LARP1: variants seen among roughly 807,000 people sequenced by gnomAD.
LARP1 encodes La ribonucleoprotein 1, translational regulator, also known as la-related protein 1.
In LARP1, 36 loss-of-function variants were observed where a neutral mutation model predicts 122.7. The observed-to-expected ratio is 0.29, with a 90% CI of 0.22 to 0.39. The LOEUF (loss-of-function observed/expected upper bound fraction) is 0.39. Ranked by LOEUF, LARP1 falls within the 10% of genes least tolerant of loss-of-function variation. The pLI is 1.00. For synonymous variants in LARP1, 539 were observed against 528.7 expected (o/e 1.02, Z -0.27); for missense variants, 1,040 against 1,403.6 (o/e 0.74, Z 4.14).
intron 1 of LARP1, among the ~76,000 whole-genome samples, chr5:154,769,022 A>C (rs1755185312): frequency 6.6e-6 from 1 of 152,094 alleles, no homozygotes; most frequent in Non-Finnish European, 1.5e-5. Flanking sequence ...TATTTTTAGT[A>C]GAGACTGGGT....
intron 7 of LARP1, 75 bp downstream of exon 7, chr5:154,794,337 C>CA: frequency 6.8e-7 from 1 of 1,479,042 alleles, no homozygotes; most frequent in Non-Finnish European, 9.3e-7. Context: ...CATAGCTGGG[C>CA]AGGCCCTTCT....
In LARP1 at chr5:154,813,100, T is replaced by TAGTC. The variant is rs34588766; in HGVS notation, c.3082-785_3082-784insTCAG. Among the ~76,000 whole-genome samples, 10 of 151,996 alleles carry TAGTC rather than the reference T, an allele frequency of 6.6e-5. No individual in the cohort carries two copies. In the South Asian group the frequency reaches 2.1e-3, roughly 32 times the overall value. Reference sequence around the variant, plus strand: ...ATGTGGTGACGCAGACAGGACTTATTAGGTTAACTGAGGTTCGTGGCCATC... The same window carrying TAGTC: ...ATGTGGTGACGCAGACAGGACTTATTAGTCAGGTTAACTGAGGTTCGTGGCCATC... On this transcript the variant is annotated intron_variant, in intron 18 of 18. Coordinates refer to ENST00000518297, the MANE Select transcript of LARP1 (RefSeq NM_033551.3).
At chr5:154,715,572 T>C (rs1755454449) in intron 1 of LARP1, among the ~76,000 whole-genome samples, 1 of 152,176 alleles carries the variant, frequency 6.6e-6, no homozygotes, top group Non-Finnish European at 1.5e-5. Context: ...CACTGAAACG[T>C]TGCTGCTGAA....
At chr5:154,756,250 T>C in intron 1 of LARP1, 57 bp downstream of exon 1, 2 of 1,141,028 alleles carry the variant, frequency 1.8e-6, no homozygotes, top group Non-Finnish European at 1.1e-6. Flanking sequence ...GACATGGGAG[T>C]CCCCTCCCCC....
chr5:154,707,261 G>A (rs1754995941), intron 1 of LARP1, among the ~76,000 whole-genome samples: 1 of 152,114 alleles, frequency 6.6e-6, no homozygotes, highest in Non-Finnish European at 1.5e-5. Context: ...ATGTTTTAAT[G>A]TAAAATAAAT....
chr5:154,711,290 C>T (rs1755207976), upstream of LARP1, among the ~76,000 whole-genome samples: 3 of 152,040 alleles, frequency 2.0e-5, no homozygotes, highest in South Asian at 4.2e-4. Flanking sequence ...TACAGGCATG[C>T]GCCACCACAC....
upstream of LARP1, among the ~76,000 whole-genome samples, chr5:154,711,251 C>T (rs1490761123): frequency 4.6e-5 from 7 of 151,856 alleles, no homozygotes; most frequent in African/African-American, 1.2e-4. Context: ...AAGCGATTCT[C>T]CTGCCTCAGC....
rs770862739 is a variant in LARP1, at chr5:154,805,906, A to G, written c.2572A>G (p.Thr858Ala). 8 of 1,614,006 alleles carry G rather than the reference A, an allele frequency of 5.0e-6. No homozygotes were observed. The South Asian group carries it at 7.7e-5, about 16-fold the overall frequency. ...CTCCAGCCCCTCAGAAGGGACGCCT[A>G]CAGTTGGCAGCTATGGCTGTACCCC... Reference protein sequence around the residue: ...ISSSPSEGTPTVGSYGCTPQS... With the variant: ...ISSSPSEGTPAVGSYGCTPQS... Residue 858 changes from threonine to alanine, a missense_variant, in exon 15 of 19, where the codon ACA becomes GCA. Transcript: ENST00000518297.
chr5:154,807,712 A>G (rs1250883346), intron 15 of LARP1, among the ~76,000 whole-genome samples: 1 of 152,032 alleles, frequency 6.6e-6, no homozygotes, highest in African/African-American at 2.4e-5. Flanking sequence ...CACCATACCA[A>G]TCTAATTACT....
intron 1 of LARP1, among the ~76,000 whole-genome samples, chr5:154,747,679 A>G (rs1372035068): frequency 6.6e-6 from 1 of 151,694 alleles, no homozygotes. Flanking sequence ...CAGCCTGGGC[A>G]ACAAAAGCGA....
intron 1 of LARP1, among the ~76,000 whole-genome samples, chr5:154,780,655 T>C (rs1756349735): frequency 6.6e-6 from 1 of 152,192 alleles, no homozygotes; most frequent in Admixed American, 6.5e-5. Context: ...CAGCCCTGAC[T>C]TGGTCTGGGA....
At chr5:154,750,926 C>A (rs1034405430), upstream of LARP1, among the ~76,000 whole-genome samples, 1 of 152,192 alleles carries the variant, frequency 6.6e-6, no homozygotes, top group African/African-American at 2.4e-5. Context: ...TGTTTAAGCA[C>A]ATGATGTGTT....
Position 154,786,466 on chromosome 5 carries a change from T to C in LARP1, c.437-3859T>C, listed in dbSNP as rs905173855. ...CCTCTGGGACAGAAGGTGGTTTTCC[T>C]TCTCTTCCAGATACCCTTTAGGGCT... is the stretch of plus-strand genomic sequence containing the variant. On this transcript the variant is annotated intron_variant, in intron 1 of 18. Coordinates refer to ENST00000518297, the MANE Select transcript of LARP1 (RefSeq NM_033551.3). 1.3e-5 allele frequency: 6 copies of C among 456,244 alleles called. No homozygotes were observed. In the Admixed American group the frequency reaches 1.4e-4, roughly 11 times the overall value. 28.3% of individuals were successfully genotyped at this position (456,244 alleles called of 1,614,324 possible).
chr5:154,777,892 TA>T (rs1379260590), intron 1 of LARP1, among the ~76,000 whole-genome samples: 3 of 152,250 alleles, frequency 2.0e-5, no homozygotes, highest in Non-Finnish European at 4.4e-5. Flanking sequence ...AGCTCTATTA[TA>T]ATCTTACGGG....
intron 1 of LARP1, chr5:154,718,554 C>G (rs1755656929): frequency 6.6e-6 from 1 of 152,196 alleles, no homozygotes; most frequent in Admixed American, 6.5e-5. Context: ...AGGGAGGTCA[C>G]CACATTGATG....
intron 1 of LARP1, among the ~76,000 whole-genome samples, chr5:154,704,756 G>A (rs1313874902): frequency 6.6e-6 from 1 of 151,294 alleles, no homozygotes; most frequent in Non-Finnish European, 1.5e-5. Context: ...CGAAAAAAGA[G>A]CTACTATCCA....
intron 1 of LARP1, among the ~76,000 whole-genome samples, chr5:154,725,534 A>T (rs1367239825): frequency 6.6e-6 from 1 of 151,962 alleles, no homozygotes; most frequent in Non-Finnish European, 1.5e-5. Context: ...TGGGTGACAG[A>T]GTGAGACTAT....
chr5:154,684,491 C>A (rs1753833448), intron 1 of LARP1, among the ~76,000 whole-genome samples: 1 of 152,130 alleles, frequency 6.6e-6, no homozygotes. Context: ...TGGAACGAAC[C>A]CAAGATCCTG....
chr5:154,815,859 G>T lies in LARP1; in HGVS notation c.*1763G>T, dbSNP rs906536534. Reference sequence around the variant, plus strand: ...TGAAGGACTGACCCACATGGACTGGGATGTGTGTCGGTTATGGGCATGACT... The same window carrying T: ...TGAAGGACTGACCCACATGGACTGGTATGTGTGTCGGTTATGGGCATGACT... On this transcript the variant is annotated 3_prime_UTR_variant, in exon 19 of 19. Coordinates refer to ENST00000518297, the MANE Select transcript of LARP1 (RefSeq NM_033551.3). 22 of 152,542 alleles carry T rather than the reference G, an allele frequency of 1.4e-4. No individual in the cohort carries two copies. The highest frequency in any genetic ancestry group is 5.3e-4 in the African/African-American group (22 of 41,592). 9.4% of individuals were successfully genotyped at this position (152,542 alleles called of 1,614,324 possible).
Sources: allele counts gnomAD v4.1 joint callset (sites outside exome capture counted in the v4.1 genomes callset), GRCh38; gene constraint gnomAD v4.1.1; transcripts MANE v1.5; gene names NCBI Gene and HGNC (gene_info 2026-07-23, HGNC 2026-07-21).